Variants in LTBP2 observed in about 807,000 individuals in gnomAD.
LTBP2 encodes the protein latent-transforming growth factor beta-binding protein 2.
Under a neutral mutation model 210.6 loss-of-function variants are expected in LTBP2, and 103 were observed. That is an observed-to-expected ratio of 0.49 (90% CI 0.42 to 0.58). The LOEUF is 0.58. LTBP2 is among the 20% of genes least tolerant of loss of function. The pLI, the probability that LTBP2 is intolerant of heterozygous loss-of-function variation, is 0.00. For synonymous variants in LTBP2, 1,007 were observed against 1,015.0 expected, an observed-to-expected ratio of 0.99 and a Z score of 0.15; for missense variants, 2,313 against 2,494.5, an observed-to-expected ratio of 0.93 and a Z score of 1.55.
At chr14:74,510,900 GA>G (rs1345186454) in intron 19 of LTBP2, among the ~76,000 whole-genome samples, 2 of 152,260 alleles carry the variant, frequency 1.3e-5, no homozygotes, top group African/African-American at 4.8e-5. Context: ...AGAAGAGCAG[GA>G]GACCCTTCCT....
chr14:74,596,441 C>T (rs1241826943), intron 2 of LTBP2, among the ~76,000 whole-genome samples: 3 of 152,194 alleles, frequency 2.0e-5, no homozygotes, highest in South Asian at 2.1e-4. Flanking sequence ...AAGGGCCAGC[C>T]GCACAGAGAG....
chr14:74,529,730 T>C (rs373513083), intron 10 of LTBP2, among the ~76,000 whole-genome samples: 1 of 152,246 alleles, frequency 6.6e-6, no homozygotes, highest in South Asian at 2.1e-4. Flanking sequence ...GTTTGAGCTA[T>C]GCTGGGCTTA....
intron 8 of LTBP2, among the ~76,000 whole-genome samples, chr14:74,538,773 A>C (rs1470609290): frequency 6.6e-6 from 1 of 152,258 alleles, no homozygotes; most frequent in Non-Finnish European, 1.5e-5. Flanking sequence ...TTTTCCTGCC[A>C]GGACTGGCCC....
At chr14:74,506,880 C>CT (rs1555347805) in intron 26 of LTBP2, 57 bp from the exon 27 acceptor site, 1 of 1,514,182 alleles carries the variant, frequency 6.6e-7, no homozygotes, top group Non-Finnish European at 9.0e-7. Flanking sequence ...TGTGTGTGTG[C>CT]GCGCGCGCGT....
chr14:74,567,339 A>G (rs536249248), intron 3 of LTBP2, among the ~76,000 whole-genome samples: 63 of 152,280 alleles, frequency 4.1e-4, no homozygotes, highest in South Asian at 3.1e-3. Flanking sequence ...CGGGCTGCCA[A>G]GCCCTGGCCC....
intron 8 of LTBP2, among the ~76,000 whole-genome samples, chr14:74,540,869 A>ATATATATTATATATATAATATATATATT (rs2087495396): frequency 2.8e-5 from 2 of 71,422 alleles, no homozygotes; most frequent in African/African-American, 4.5e-5. Flanking sequence ...ATATATATTT[A>ATATATATTATATATATAATATATATATT]TATATATAAT....
rs756990980 is a variant in LTBP2 at position 74,611,652 on chromosome 14, G to A, written c.293C>T (p.Pro98Leu). ...CGGCCTCCTGGCCTCCGCCTCGGTG[G>A]GCCTCCTGGGGCTCCCCCAGCCCGG... ...AQPGWGSPRRPTEAEARRPSR... is the reference protein window; with the variant it reads ...AQPGWGSPRRLTEAEARRPSR... The change falls in exon 1 of 36, where the codon CCC becomes CTC. Residue 98 changes from proline to leucine, a missense_variant. Around this residue, in one of 3 missense-constraint regions of LTBP2, gnomAD observed 1,867 missense variants for 1,976.9 expected, o/e 0.94. Transcript: ENST00000261978. The A allele has an allele frequency of 1.3e-6, 2 of 1,556,470 alleles. No individual in the cohort carries two copies. Among genetic ancestry groups the A allele is most frequent in the South Asian group, 1.2e-5 (1 of 86,082 alleles).
In LTBP2 at chr14:74,500,795, G is replaced by T; in HGVS notation, c.*89C>A. ...TTGGAAACCTCTGGCCTGATGTCAC[G>T]GTGTCTTCCCAGCTAGGAAATCATC... On this transcript the variant is annotated 3_prime_UTR_variant, in exon 36 of 36. Coordinates refer to ENST00000261978, the MANE Select transcript of LTBP2 (RefSeq NM_000428.3). The T allele has an allele frequency of 3.2e-6, 5 of 1,550,898 alleles. No homozygotes were observed. The highest frequency in any genetic ancestry group is 2.2e-5 in the South Asian group (2 of 89,578).
At chr14:74,506,310 A>G in intron 27 of LTBP2, 119 bp from the exon 28 acceptor site, 1 of 1,366,442 alleles carries the variant, frequency 7.3e-7, no homozygotes, top group Non-Finnish European at 1.0e-6. Context: ...AAACAAGAGT[A>G]AGTATAGATT....
intron 7 of LTBP2, among the ~76,000 whole-genome samples, chr14:74,550,674 T>C (rs1159008135): frequency 1.3e-5 from 2 of 152,196 alleles, no homozygotes; most frequent in Non-Finnish European, 2.9e-5. Context: ...TCCACACCTC[T>C]GTGACCCCAA....
intron 13 of LTBP2, among the ~76,000 whole-genome samples, chr14:74,526,641 A>T (rs1274161559): frequency 6.6e-6 from 1 of 152,196 alleles, no homozygotes; most frequent in Non-Finnish European, 1.5e-5. Flanking sequence ...TGGGGACCAG[A>T]GTTAGAGCTT....
intron 1 of LTBP2, among the ~76,000 whole-genome samples, chr14:74,606,726 C>G (rs2088531538): frequency 6.6e-6 from 1 of 152,200 alleles, no homozygotes; most frequent in Admixed American, 6.5e-5. Context: ...GTAGTCCCAG[C>G]TACTCACTCG....
In LTBP2 at chr14:74,612,078, G is replaced by A. The variant is rs1017097526; in HGVS notation, c.-134C>T. ...CTCTGAGTCTAGGGGGCCCTGAAGC[G>A]GCCGACTGGGGGCCCGGCTCTCGGC... On this transcript the variant is annotated 5_prime_UTR_variant, in exon 1 of 36. Transcript: ENST00000261978. 31 of 942,174 alleles carry A rather than the reference G, an allele frequency of 3.3e-5. No individual in the cohort carries two copies. In the African/African-American group the frequency reaches 4.0e-4, roughly 12 times the overall value. The allele number at this position is 942,174 out of a possible 1,614,324, so 58.4% of individuals were successfully genotyped here. A position where few individuals can be genotyped will look rare whatever the true frequency, so the allele number is the denominator to read the frequency against.
chr14:74,611,473 G>A lies in LTBP2; in HGVS notation c.472C>T (p.Pro158Ser), dbSNP rs1175722144. ...CACCCCGTGAGCCGCCCTCGCGGCG[G>A]GGTTGGGGGCGCAGCCCCAGACCGC... ...PQRSGAAPPT[P>S]PRGRLTGRNV... The change falls in exon 1 of 36, where the codon CCG becomes TCG. Residue 158 changes from proline (P) to serine (S), a missense_variant. Pro to Ser is a moderately conservative substitution (Grantham distance 74, BLOSUM62 -1). This residue lies in a region of LTBP2 where 1,867 missense variants were observed against 1,976.9 expected (regional missense o/e 0.94). Coordinates refer to ENST00000261978, the MANE Select transcript of LTBP2 (RefSeq NM_000428.3). 2 of 1,497,192 alleles carry A rather than the reference G, an allele frequency of 1.3e-6. No homozygotes were observed. Among genetic ancestry groups the A allele is most frequent in the South Asian group, 2.7e-5 (2 of 74,050 alleles). 92.7% of individuals were successfully genotyped at this position (1,497,192 alleles called of 1,614,324 possible).
chr14:74,543,179 C>A (rs2087531593), intron 8 of LTBP2, among the ~76,000 whole-genome samples: 1 of 151,708 alleles, frequency 6.6e-6, no homozygotes, highest in Non-Finnish European at 1.5e-5. Flanking sequence ...GAGATTGAGA[C>A]CATCCCAGCT....
chr14:74,502,458 T>G, intron 34 of LTBP2, 195 bp downstream of exon 34: 1 of 718,674 alleles, frequency 1.4e-6, no homozygotes, highest in Non-Finnish European at 2.5e-6. Context: ...CTGTGATAGT[T>G]TATGACGGAG....
chr14:74,502,532 C>T, intron 34 of LTBP2, 121 bp downstream of exon 34: 1 of 1,411,570 alleles, frequency 7.1e-7, no homozygotes, highest in Non-Finnish European at 1.0e-6. Context: ...GGACCTCTGG[C>T]TTGGTGTGTC....
At chr14:74,519,745 C>T (rs974943594) in intron 17 of LTBP2, among the ~76,000 whole-genome samples, 6 of 152,244 alleles carry the variant, frequency 3.9e-5, no homozygotes, top group Admixed American at 3.3e-4. Context: ...TCTTGGACAC[C>T]CAGGCTGGCA....
chr14:74,559,742 C>G (rs1294280311), intron 3 of LTBP2: 1 of 152,228 alleles, frequency 6.6e-6, no homozygotes. Context: ...TAGCCAAATC[C>G]TGTTTGCATG....
Sources: gnomAD v4.1 joint callset for allele counts (sites outside exome capture counted in the v4.1 genomes callset) on GRCh38, gnomAD v4.1.1 for gene constraint, gnomAD v4.1.1 regional missense constraint, MANE v1.5 for transcripts, NCBI Gene and HGNC (gene_info 2026-07-23, HGNC 2026-07-21) for gene names.